Variants in TEX2 observed in about 807,000 individuals in gnomAD.
TEX2 encodes the protein testis-expressed protein 2.
TEX2 carries 53 observed loss-of-function variants against 106.9 expected under a neutral mutation model. That is an observed-to-expected ratio of 0.50 (90% CI 0.40 to 0.62). The LOEUF (loss-of-function observed/expected upper bound fraction) is 0.62, where lower values mean the gene tolerates loss of function less well. Ranked by LOEUF, TEX2 falls within the 20% of genes least tolerant of loss-of-function variation. The pLI, the probability that TEX2 is intolerant of heterozygous loss-of-function variation, is 0.00. For synonymous variants in TEX2, 523 were observed against 534.8 expected, an observed-to-expected ratio of 0.98 and a Z score of 0.30; for missense variants, 1,207 against 1,379.0, an observed-to-expected ratio of 0.88 and a Z score of 1.98.
At chr17:64,208,342 G>A (rs1455803568) in intron 2 of TEX2, among the ~76,000 whole-genome samples, 4 of 151,680 alleles carry the variant, frequency 2.6e-5, no homozygotes, top group Admixed American at 6.6e-5. Flanking sequence ...GAGCTCAAGC[G>A]ATCTTCCTGC....
rs1240200435 is a variant in TEX2 at position 64,193,752 on chromosome 17, T to C, written c.1983A>G (p.Pro661=). Residue 661 remains proline (P), a synonymous_variant, in exon 4 of 12, where the codon CCA becomes CCG. Coordinates refer to ENST00000584379, the MANE Select transcript of TEX2 (RefSeq NM_001288732.2). Reference sequence around the variant, plus strand: ...TCTTAGGGTCCTCACTTCCCTCAGCTGGCGGCTTCTCTTCTGAAGTCTCCT... The same window carrying C: ...TCTTAGGGTCCTCACTTCCCTCAGCCGGCGGCTTCTCTTCTGAAGTCTCCT... The part of the protein sequence containing the change: ...TDKETSEEKP[P]AEGSEDPKKP... 6.2e-7 allele frequency: 1 copy of C among 1,613,968 alleles called. No homozygotes were observed.
At chr17:64,179,502 C>G (rs536003101) in intron 5 of TEX2, among the ~76,000 whole-genome samples, 1 of 152,232 alleles carries the variant, frequency 6.6e-6, no homozygotes, top group Non-Finnish European at 1.5e-5. Flanking sequence ...CTTCCTACTA[C>G]TCACTCTTTG....
chr17:64,148,474 A>C lies in TEX2; in HGVS notation c.*495T>G, dbSNP rs906610667. On this transcript the variant is annotated 3_prime_UTR_variant, in exon 12 of 12. Transcript: ENST00000584379. Reference sequence around the variant, plus strand: ...GCCCATCTCTTCTGTCACCGAAATGAAAAGGCTCACAGAATTCCTCTCCCC... The same window carrying C: ...GCCCATCTCTTCTGTCACCGAAATGCAAAGGCTCACAGAATTCCTCTCCCC... The C allele has an allele frequency of 6.5e-6, 1 of 153,822 alleles. No homozygotes were observed. The highest frequency in any genetic ancestry group is 1.5e-5 in the Non-Finnish European group (1 of 68,948). The allele number at this position is 153,822 out of a possible 1,614,324, so 9.5% of individuals were successfully genotyped here.
At chr17:64,258,955 ACC>A in intron 1 of TEX2, among the ~76,000 whole-genome samples, 1 of 151,956 alleles carries the variant, frequency 6.6e-6, no homozygotes, top group Non-Finnish European at 1.5e-5. Flanking sequence ...CCAGGTTTTC[ACC>A]ATGTTGGTCA....
In TEX2 at chr17:64,147,986, AGT is replaced by A. The variant is rs1214406904; in HGVS notation, c.*981_*982del. On this transcript the variant is annotated 3_prime_UTR_variant, in exon 12 of 12. Coordinates refer to ENST00000584379, the MANE Select transcript of TEX2 (RefSeq NM_001288732.2). ...GTTGGCAACATTAATTTTGAGATGT[AGT>A]GTGATGCTGAGCAAACTTTTGGTCT... 6.6e-6 allele frequency: 1 copy of A among 152,638 alleles called. No homozygotes were observed. 9.5% of individuals were successfully genotyped at this position (152,638 alleles called of 1,614,324 possible).
rs1385624297 is a variant in TEX2, at chr17:64,188,229, C to A, written c.2363G>T (p.Ser788Ile). The change falls in exon 5 of 12, where the codon AGC becomes ATC. Residue 788 changes from serine (S) to isoleucine (I), a missense_variant. Ser to Ile is a moderately radical substitution (Grantham distance 142). This residue lies in a region of TEX2 where 1,067 missense variants were observed against 1,193.6 expected (regional missense o/e 0.89). Coordinates refer to ENST00000584379, the MANE Select transcript of TEX2 (RefSeq NM_001288732.2). Reference sequence around the variant, plus strand: ...CAGGGGGCTCCTCTGGGGGCTTCGGCTTTCCTGGGGGACACACCTGCCCAT... The same window carrying A: ...CAGGGGGCTCCTCTGGGGGCTTCGGATTTCCTGGGGGACACACCTGCCCAT... ...VYMGRCVPQE[S>I]RSPQRSPLQS... 7 of 1,613,444 alleles carry A rather than the reference C, an allele frequency of 4.3e-6. No homozygotes were observed. The highest frequency in any genetic ancestry group is 1.3e-5 in the African/African-American group (1 of 75,058).
intron 2 of TEX2, among the ~76,000 whole-genome samples, chr17:64,202,543 T>G (rs1302628107): frequency 6.6e-6 from 1 of 152,188 alleles, no homozygotes; most frequent in African/African-American, 2.4e-5. Flanking sequence ...GCAAATGAAA[T>G]TTCCAGATTT....
rs1245877225 is a variant in TEX2 at position 64,206,725 on chromosome 17, G to A, written c.1644+5849C>T. Among the ~76,000 whole-genome samples, 7 of 151,706 alleles carry A rather than the reference G, an allele frequency of 4.6e-5. No homozygotes were observed. The South Asian group carries it at 8.3e-4, about 18-fold the overall frequency. ...ATTACAGGCATGCCCCACCACACCC[G>A]GCTAATTTTGTATTTTTAGCAGAGA... is the stretch of plus-strand genomic sequence containing the variant. On this transcript the variant is annotated intron_variant, in intron 2 of 11. Transcript: ENST00000584379.
At chr17:64,150,085 T>A (rs1176760714) in intron 11 of TEX2, 1 of 152,194 alleles carries the variant, frequency 6.6e-6, no homozygotes, top group East Asian at 1.9e-4. Flanking sequence ...AGGATTTTTT[T>A]AAGGCAGTAA....
At chr17:64,232,862 C>T (rs542767922) in intron 1 of TEX2, among the ~76,000 whole-genome samples, 1 of 152,312 alleles carries the variant, frequency 6.6e-6, no homozygotes, top group South Asian at 2.1e-4. Flanking sequence ...CCCTGGTTCC[C>T]ATGGGTTCCT....
intron 8 of TEX2, among the ~76,000 whole-genome samples, chr17:64,160,254 G>A: frequency 6.6e-6 from 1 of 152,288 alleles, no homozygotes; most frequent in Non-Finnish European, 1.5e-5. Context: ...TACTAAATCA[G>A]ACAAACCCTA....
At chr17:64,222,656 A>C (rs927427040) in intron 1 of TEX2, among the ~76,000 whole-genome samples, 8 of 152,182 alleles carry the variant, frequency 5.3e-5, no homozygotes, top group African/African-American at 1.9e-4. Context: ...AAATTTTAAA[A>C]GATTTCACTC....
In TEX2 at chr17:64,150,967, T is replaced by C; in HGVS notation, c.3141-6A>G. 6.2e-7 allele frequency: 1 copy of C among 1,613,070 alleles called. No individual in the cohort carries two copies. The highest frequency in any genetic ancestry group is 8.5e-7 in the Non-Finnish European group (1 of 1,179,482). ...GTGGCTTTCGGAAACCATACCTTTT[T>C]GAAGACAAGTAATAACCACATTTAG... On this transcript the variant is annotated splice_region_variant and splice_polypyrimidine_tract_variant and intron_variant, in intron 10 of 11. Transcript: ENST00000584379.
At chr17:64,248,892 A>G (rs1391833667) in intron 1 of TEX2, among the ~76,000 whole-genome samples, 1 of 152,056 alleles carries the variant, frequency 6.6e-6, no homozygotes, top group African/African-American at 2.4e-5. Context: ...AAAATTTACC[A>G]GGCCTGGTGG....
rs1044819175 is a variant in TEX2, at chr17:64,153,039, C to T, written c.3046G>A (p.Val1016Ile). The T allele has an allele frequency of 1.9e-6, 3 of 1,614,050 alleles. No homozygotes were observed. The African/African-American group carries it at 4.0e-5, about 22-fold the overall frequency. ...GTGAGCAGCAGGGGTGTGTTGGAGA[C>T]TTCTTCGATCTTCTTTTTAATAAAC... ...TEFIKKKIEE[V>I]SNTPLLLTVE... The change falls in exon 10 of 12, where the codon GTC (valine) becomes ATC (isoleucine). Residue 1016 changes from valine (V) to isoleucine (I), a missense_variant. Coordinates refer to ENST00000584379, the MANE Select transcript of TEX2 (RefSeq NM_001288732.2). This position sits in a 1 kb window ranked among gnomAD's most constrained non-coding sequence, Gnocchi z 4.1.
chr17:64,204,290 A>C (rs1364655445), intron 2 of TEX2, among the ~76,000 whole-genome samples: 1 of 152,214 alleles, frequency 6.6e-6, no homozygotes, highest in Admixed American at 6.5e-5. Context: ...AGATGAAATA[A>C]TTATCCTTTT....
chr17:64,226,751 C>T (rs1419955905), intron 1 of TEX2, among the ~76,000 whole-genome samples: 1 of 152,190 alleles, frequency 6.6e-6, no homozygotes, highest in Admixed American at 6.5e-5. Context: ...GAGACAAACC[C>T]TCTCTTGCAC....
rs1264562606 is a variant in TEX2, at chr17:64,147,621, C to CT, written c.*1347dup. On this transcript the variant is annotated 3_prime_UTR_variant, in exon 12 of 12. Transcript: ENST00000584379. ...GACCAGTGACCAGGACACGTGGACT[C>CT]TGACAGGCAGATCGGCCTACACAAC... 1 of 152,566 alleles carries CT rather than the reference C, an allele frequency of 6.6e-6. No individual in the cohort carries two copies. Among genetic ancestry groups the CT allele is most frequent in the Non-Finnish European group, 1.5e-5 (1 of 68,034 alleles). 9.5% of individuals were successfully genotyped at this position (152,566 alleles called of 1,614,324 possible).
In TEX2 at chr17:64,209,454, G is replaced by A. The variant is rs1056584144; in HGVS notation, c.1644+3120C>T. Reference sequence around the variant, plus strand: ...TTAGTAATGAAACCATTCTAAACAAGTTAAGGCTAAGAATGAAAAAAGAAT... The same window carrying A: ...TTAGTAATGAAACCATTCTAAACAAATTAAGGCTAAGAATGAAAAAAGAAT... On this transcript the variant is annotated intron_variant, in intron 2 of 11. Transcript: ENST00000584379. Among the ~76,000 whole-genome samples, 43 of 152,268 alleles carry A rather than the reference G, an allele frequency of 2.8e-4. No individual in the cohort carries two copies. In the East Asian group the frequency reaches 3.1e-3, roughly 11 times the overall value.
Sources: gnomAD v4.1 joint callset for allele counts (sites outside exome capture counted in the v4.1 genomes callset) on GRCh38, gnomAD v4.1.1 for gene constraint, gnomAD v4.1.1 regional missense constraint, Gnocchi (gnomAD v3.1) non-coding constraint, MANE v1.5 for transcripts, NCBI Gene and HGNC (gene_info 2026-07-23, HGNC 2026-07-21) for gene names.